TNIK: variants seen among roughly 807,000 people sequenced by gnomAD.
TNIK encodes TRAF2 and NCK-interacting protein kinase.
A neutral mutation model predicts 191.3 loss-of-function variants in TNIK; 49 were observed. That is an observed-to-expected ratio of 0.26 (90% CI 0.20 to 0.32). The LOEUF (loss-of-function observed/expected upper bound fraction) is 0.32, where lower values mean the gene tolerates loss of function less well. Among genes scored for constraint, TNIK ranks in the 10% least tolerant of loss-of-function variants. The pLI is 1.00. For missense variants in TNIK, 1,155 were observed against 1,702.3 expected (o/e 0.68, Z 5.66); for synonymous variants, 594 against 600.9 (o/e 0.99, Z 0.17).
chr3:171,364,615 T>C (rs948099899), intron 2 of TNIK, among the ~76,000 whole-genome samples: 12 of 152,236 alleles, frequency 7.9e-5, no homozygotes, highest in Admixed American at 4.6e-4. Flanking sequence ...CCTTGACTTA[T>C]GTATTTAAAT....
At chr3:171,287,977 A>G (rs1448118026) in intron 2 of TNIK, among the ~76,000 whole-genome samples, 2 of 150,916 alleles carry the variant, frequency 1.3e-5, no homozygotes, top group African/African-American at 2.5e-5. Context: ...GCCATGGAAT[A>G]CTATGCAGCC....
chr3:171,259,217 G>A (rs1354323194), intron 2 of TNIK, among the ~76,000 whole-genome samples: 1 of 152,104 alleles, frequency 6.6e-6, no homozygotes, highest in Non-Finnish European at 1.5e-5. Flanking sequence ...TTTACATTCA[G>A]GCAGAGTGTT....
chr3:171,367,071 G>A (rs925195658), intron 2 of TNIK, among the ~76,000 whole-genome samples: 1 of 152,122 alleles, frequency 6.6e-6, no homozygotes, highest in Non-Finnish European at 1.5e-5. Flanking sequence ...AGCAGCGGGA[G>A]AACAGACTAA....
intron 2 of TNIK, among the ~76,000 whole-genome samples, chr3:171,365,545 G>T (rs1027134558): frequency 8.5e-5 from 13 of 152,100 alleles, no homozygotes; most frequent in Admixed American, 8.5e-4. Context: ...CTAGAGGTAT[G>T]AAATGGGGTT....
intron 17 of TNIK, 85 bp from the exon 18 acceptor site, chr3:171,123,787 GC>G: frequency 1.0e-6 from 1 of 987,752 alleles, no homozygotes; most frequent in Non-Finnish European, 1.5e-6. Flanking sequence ...CCAATGATTT[GC>G]CAGAAGCCAC....
chr3:171,400,117 C>T (rs1720734946), intron 1 of TNIK, among the ~76,000 whole-genome samples: 1 of 152,146 alleles, frequency 6.6e-6, no homozygotes, highest in Non-Finnish European at 1.5e-5. Context: ...GATGGGTTTT[C>T]TTAAATTGGT....
chr3:171,459,850 C>A (rs1729255027), intron 1 of TNIK, among the ~76,000 whole-genome samples, 157 bp downstream of exon 1: 1 of 152,174 alleles, frequency 6.6e-6, no homozygotes, highest in Admixed American at 6.5e-5. Flanking sequence ...CCAGGAGCAC[C>A]TCAGCAACCC....
At chr3:171,380,057 ACG>A (rs1559998267) in intron 1 of TNIK, among the ~76,000 whole-genome samples, 4 of 147,248 alleles carry the variant, frequency 2.7e-5, no homozygotes, top group African/African-American at 5.0e-5. Flanking sequence ...ACACACACAC[ACG>A]CAAGTTGCTT....
intron 2 of TNIK, among the ~76,000 whole-genome samples, chr3:171,256,256 A>G (rs1465600518): frequency 6.6e-6 from 1 of 152,130 alleles, no homozygotes; most frequent in Non-Finnish European, 1.5e-5. Flanking sequence ...AAATTTTCAC[A>G]CTGCCAGAAG....
At chr3:171,232,865 T>TA (rs1743829066) in intron 2 of TNIK, among the ~76,000 whole-genome samples, 1 of 152,190 alleles carries the variant, frequency 6.6e-6, no homozygotes, top group Non-Finnish European at 1.5e-5. Context: ...TACAATACCC[T>TA]ACTCCTTCAA....
At chr3:171,144,345 G>A (rs1731247976) in intron 12 of TNIK, among the ~76,000 whole-genome samples, 1 of 152,028 alleles carries the variant, frequency 6.6e-6, no homozygotes, top group African/African-American at 2.4e-5. Context: ...GGGACTTCAT[G>A]TCCCTTTTGT....
At chr3:171,216,527 T>C (rs1479371762) in intron 3 of TNIK, among the ~76,000 whole-genome samples, 2 of 152,176 alleles carry the variant, frequency 1.3e-5, no homozygotes, top group East Asian at 1.9e-4. Context: ...TTTAGTAGGA[T>C]CTTCACAATC....
chr3:171,430,604 A>G (rs1019731182), intron 1 of TNIK, among the ~76,000 whole-genome samples: 2 of 147,936 alleles, frequency 1.4e-5, no homozygotes, highest in Non-Finnish European at 3.0e-5. Flanking sequence ...GTGCCACTGC[A>G]TTCAGCCCTG....
chr3:171,442,606 T>C (rs531636705), intron 1 of TNIK, among the ~76,000 whole-genome samples: 1 of 152,286 alleles, frequency 6.6e-6, no homozygotes, highest in Non-Finnish European at 1.5e-5. Flanking sequence ...CCTCTCTTCA[T>C]AGAGAGGCTT....
chr3:171,436,477 C>G (rs1726046662), intron 1 of TNIK, among the ~76,000 whole-genome samples: 1 of 152,204 alleles, frequency 6.6e-6, no homozygotes, highest in African/African-American at 2.4e-5. Context: ...ATTGTTACCT[C>G]CATTTCATAG....
intron 2 of TNIK, among the ~76,000 whole-genome samples, chr3:171,230,721 T>C (rs1017848330): frequency 2.0e-5 from 3 of 152,206 alleles, no homozygotes; most frequent in Admixed American, 1.3e-4. Flanking sequence ...TGTCCTCTGA[T>C]ACCTCACTTG....
chr3:171,211,943 C>T (rs1388652528), intron 3 of TNIK, among the ~76,000 whole-genome samples: 3 of 152,168 alleles, frequency 2.0e-5, no homozygotes, highest in East Asian at 3.9e-4. Context: ...AACCTGGACC[C>T]TTTTCAGAGG....
intron 2 of TNIK, among the ~76,000 whole-genome samples, chr3:171,240,268 G>A (rs1248661955): frequency 1.3e-5 from 2 of 152,142 alleles, no homozygotes; most frequent in African/African-American, 4.8e-5. Context: ...ACATAGTCTA[G>A]GAGAGAATTG....
At chr3:171,101,810 G>C in intron 21 of TNIK, 177 bp from the exon 22 acceptor site, 1 of 619,078 alleles carries the variant, frequency 1.6e-6, no homozygotes, top group Non-Finnish European at 2.7e-6. Context: ...GTAGAAGCTA[G>C]AAAAGAAAGA....
Sources: allele counts gnomAD v4.1 joint callset (sites outside exome capture counted in the v4.1 genomes callset), GRCh38; gene constraint gnomAD v4.1.1; transcripts MANE v1.5; gene names NCBI Gene and HGNC (gene_info 2026-07-23, HGNC 2026-07-21).